CADPS2: variants seen among roughly 807,000 people sequenced by gnomAD.
CADPS2 encodes the protein calcium-dependent secretion activator 2.
CADPS2 carries 93 observed loss-of-function variants against 172.5 expected under a neutral mutation model. The ratio of observed to expected loss-of-function variants is 0.54; its 90% CI spans 0.46 to 0.64. The LOEUF (loss-of-function observed/expected upper bound fraction) is 0.64, where lower values mean the gene tolerates loss of function less well. CADPS2 is among the 30% of genes least tolerant of loss of function. The probability of loss-of-function intolerance (pLI) is 0.00; values close to 1 mark genes in which losing one functional copy is unlikely to be tolerated. For missense variants in CADPS2, 1,420 were observed against 1,565.9 expected (o/e 0.91, Z 1.57); for synonymous variants, 546 against 555.2 (o/e 0.98, Z 0.23).
In CADPS2 at chr7:122,432,657, A is replaced by AAAAG. The variant is rs2050112046; in HGVS notation, c.2476+5683_2476+5684insCTTT. ...CTCTGTTAAAATAAAAAAAAAAAAA[A>AAAAG]AAAAGAAAAAAAGAAAAGAAAACCT... On this transcript the variant is annotated intron_variant, in intron 17 of 29. Transcript: ENST00000449022. Among the ~76,000 whole-genome samples the AAAAG allele has an allele frequency of 2.7e-5, 4 of 150,820 alleles. 1 individual carries two copies. The highest frequency in any genetic ancestry group is 4.2e-4 in the South Asian group (2 of 4,788).
chr7:122,726,137 A>G (rs1015725053), intron 2 of CADPS2, among the ~76,000 whole-genome samples: 1 of 151,998 alleles, frequency 6.6e-6, no homozygotes, highest in Non-Finnish European at 1.5e-5. Context: ...TCTTATGAAA[A>G]TAAGATTCTC....
At chr7:122,882,683 C>T (rs576508507) in intron 1 of CADPS2, among the ~76,000 whole-genome samples, 19 of 149,724 alleles carry the variant, frequency 1.3e-4, no homozygotes, top group Admixed American at 1.2e-3. Flanking sequence ...AACAAATTGC[C>T]TTTATTAATT....
chr7:122,861,211 T>C (rs1467118492), intron 1 of CADPS2, among the ~76,000 whole-genome samples: 3 of 152,190 alleles, frequency 2.0e-5, no homozygotes, highest in African/African-American at 4.8e-5. Context: ...CCAATTTACA[T>C]TCCCACCAGC....
At chr7:122,356,915 C>T (rs1278766608) in intron 27 of CADPS2, among the ~76,000 whole-genome samples, 1 of 152,076 alleles carries the variant, frequency 6.6e-6, no homozygotes, top group Non-Finnish European at 1.5e-5. Flanking sequence ...CTCCAATGAG[C>T]CCTGGTTCAT....
intron 1 of CADPS2, among the ~76,000 whole-genome samples, chr7:122,765,679 G>C (rs930224856): frequency 2.0e-5 from 3 of 152,098 alleles, no homozygotes; most frequent in Admixed American, 2.0e-4. Flanking sequence ...AAAAATTATA[G>C]TTGAAGTAGC....
chr7:122,445,458 A>G (rs1462886351), intron 15 of CADPS2, among the ~76,000 whole-genome samples: 1 of 151,996 alleles, frequency 6.6e-6, no homozygotes. Flanking sequence ...TTTTATTGTT[A>G]TTGTAAATGA....
intron 1 of CADPS2, among the ~76,000 whole-genome samples, chr7:122,738,399 A>G (rs2092295507): frequency 6.6e-6 from 1 of 151,462 alleles, no homozygotes; most frequent in Non-Finnish European, 1.5e-5. Context: ...GGTAATGCAG[A>G]AGCTTTTTTT....
At chr7:122,588,492 T>A (rs2070159219) in intron 6 of CADPS2, among the ~76,000 whole-genome samples, 1 of 151,676 alleles carries the variant, frequency 6.6e-6, no homozygotes, top group Non-Finnish European at 1.5e-5. Context: ...TTTGTCACGA[T>A]GAAATTTTTA....
At chr7:122,621,938 T>C (rs1035263422) in intron 4 of CADPS2, among the ~76,000 whole-genome samples, 1 of 152,122 alleles carries the variant, frequency 6.6e-6, no homozygotes, top group Non-Finnish European at 1.5e-5. Context: ...CAGTACAAAA[T>C]GAAAAAATCG....
At chr7:122,645,341 G>A (rs1588091240) in intron 3 of CADPS2, among the ~76,000 whole-genome samples, 1 of 92,242 alleles carries the variant, frequency 1.1e-5, no homozygotes, top group Admixed American at 1.1e-4. Context: ...ATACACACAT[G>A]TACATGTGTG....
intron 8 of CADPS2, among the ~76,000 whole-genome samples, chr7:122,524,246 T>A (rs1586845083): frequency 6.6e-6 from 1 of 152,186 alleles, no homozygotes; most frequent in South Asian, 2.1e-4. Context: ...AACAAAATGA[T>A]CAAATGTTAT....
chr7:122,438,588 T>A, intron 16 of CADPS2, 124 bp from the exon 17 acceptor site: 1 of 1,146,494 alleles, frequency 8.7e-7, no homozygotes, highest in Non-Finnish European at 1.2e-6. Context: ...TTGATCTGAC[T>A]ATTATTAGGG....
intron 1 of CADPS2, among the ~76,000 whole-genome samples, chr7:122,870,775 G>A (rs981335720): frequency 3.9e-5 from 6 of 152,064 alleles, no homozygotes; most frequent in Middle Eastern, 3.4e-3. Context: ...GATTAAAAGC[G>A]CTATCTTGTC....
chr7:122,467,610 G>T (rs919577105), intron 14 of CADPS2, among the ~76,000 whole-genome samples: 2 of 152,168 alleles, frequency 1.3e-5, no homozygotes, highest in Admixed American at 1.3e-4. Context: ...ATCTGAGCTG[G>T]CGTTTGTCAG....
At chr7:122,808,151 C>T (rs1169046137) in intron 1 of CADPS2, among the ~76,000 whole-genome samples, 3 of 151,940 alleles carry the variant, frequency 2.0e-5, no homozygotes, top group African/African-American at 7.3e-5. Context: ...GGAGTGCTCA[C>T]GATTACCAGA....
chr7:122,531,314 T>C (rs1444981326), intron 8 of CADPS2, among the ~76,000 whole-genome samples: 3 of 152,176 alleles, frequency 2.0e-5, no homozygotes, highest in African/African-American at 7.2e-5. Context: ...AGCACAGTAT[T>C]GTGGAAAGGA....
chr7:122,725,767 C>T (rs1193095601), intron 2 of CADPS2, among the ~76,000 whole-genome samples: 1 of 151,716 alleles, frequency 6.6e-6, no homozygotes, highest in Non-Finnish European at 1.5e-5. Flanking sequence ...GTACTCCAGC[C>T]TAGGATACAG....
At chr7:122,420,385 T>C (rs1255102114) in intron 17 of CADPS2, among the ~76,000 whole-genome samples, 2 of 152,210 alleles carry the variant, frequency 1.3e-5, no homozygotes, top group Admixed American at 6.5e-5. Context: ...CATTTATTCT[T>C]TCTAGATTAA....
At chr7:122,488,837 T>C (rs928434440) in intron 11 of CADPS2, among the ~76,000 whole-genome samples, 1 of 152,198 alleles carries the variant, frequency 6.6e-6, no homozygotes, top group African/African-American at 2.4e-5. Context: ...TTAAGATATG[T>C]TCAATTGTAG....
Sources: allele counts gnomAD v4.1 joint callset (sites outside exome capture counted in the v4.1 genomes callset), GRCh38; gene constraint gnomAD v4.1.1; transcripts MANE v1.5; gene names NCBI Gene and HGNC (gene_info 2026-07-23, HGNC 2026-07-21).